DPP10: variants seen among roughly 807,000 people sequenced by gnomAD.
DPP10 encodes dipeptidyl peptidase like 10.
Under a neutral mutation model 120.9 loss-of-function variants are expected in DPP10, and 33 were observed. The ratio of observed to expected loss-of-function variants is 0.27; its 90% CI spans 0.21 to 0.37. The LOEUF (loss-of-function observed/expected upper bound fraction) is 0.37. DPP10 is among the 10% of genes least tolerant of loss of function. The pLI, the probability that DPP10 is intolerant of heterozygous loss-of-function variation, is 1.00. For missense variants in DPP10, 816 were observed against 942.8 expected, an observed-to-expected ratio of 0.87 and a Z score of 1.76; for synonymous variants, 337 against 326.1, an observed-to-expected ratio of 1.03 and a Z score of -0.36.
intron 1 of DPP10, among the ~76,000 whole-genome samples, chr2:114,483,168 A>G (rs1019355404): frequency 6.6e-6 from 1 of 152,116 alleles, no homozygotes; most frequent in African/African-American, 2.4e-5. Flanking sequence ...CAAAACCCCA[A>G]AATAATTAAC....
intron 1 of DPP10, among the ~76,000 whole-genome samples, chr2:114,818,032 T>C (rs1685779744): frequency 6.6e-6 from 1 of 151,992 alleles, no homozygotes; most frequent in Non-Finnish European, 1.5e-5. Context: ...GAAGAAACAT[T>C]CCGAACTAAG....
At chr2:115,177,709 G>A (rs2053787027) in intron 1 of DPP10, among the ~76,000 whole-genome samples, 2 of 152,144 alleles carry the variant, frequency 1.3e-5, no homozygotes, top group Admixed American at 6.5e-5. Flanking sequence ...AATGTTAGCA[G>A]ACATGTTTAT....
chr2:115,790,956 A>G, intron 17 of DPP10, 125 bp from the exon 18 acceptor site: 2 of 574,008 alleles, frequency 3.5e-6, no homozygotes, highest in Non-Finnish European at 3.0e-6. Flanking sequence ...TTCAAAAGAG[A>G]AATGATGAGT....
chr2:114,870,795 A>G (rs1056253354), intron 1 of DPP10, among the ~76,000 whole-genome samples: 1 of 135,782 alleles, frequency 7.4e-6, no homozygotes, highest in Non-Finnish European at 1.6e-5. Flanking sequence ...TTTTAGATAA[A>G]GTGCCTATTT....
chr2:115,167,574 T>G (rs1212216772), intron 1 of DPP10, among the ~76,000 whole-genome samples: 2 of 144,454 alleles, frequency 1.4e-5, no homozygotes, highest in Non-Finnish European at 3.0e-5. Flanking sequence ...GCCACTGCAC[T>G]CTAGCTTGGG....
chr2:115,225,001 T>C (rs1017920870), intron 1 of DPP10, among the ~76,000 whole-genome samples: 2 of 152,146 alleles, frequency 1.3e-5, no homozygotes, highest in African/African-American at 4.8e-5. Context: ...CCAGACTGAA[T>C]AGCAATCACT....
In DPP10 at chr2:115,094,207, G is replaced by A. The variant is rs188472782; in HGVS notation, c.61-215032G>A. 1.4e-3 allele frequency among the ~76,000 whole-genome samples: 208 copies of A among 152,168 alleles called. 2 individuals carry two copies. The highest frequency in any genetic ancestry group is 4.6e-3 in the African/African-American group (193 of 41,550). Reference sequence around the variant, plus strand: ...ACACTTTGATGTGCAAATTAAAATCGAGAACGTGTCATTTAAGTAGGCTTA... The same window carrying A: ...ACACTTTGATGTGCAAATTAAAATCAAGAACGTGTCATTTAAGTAGGCTTA... On this transcript the variant is annotated intron_variant, in intron 1 of 25. Transcript: ENST00000410059.
At chr2:114,734,484 C>T (rs192961671) in intron 1 of DPP10, among the ~76,000 whole-genome samples, 228 of 152,230 alleles carry the variant, frequency 1.5e-3, no homozygotes, top group Non-Finnish European at 2.0e-3. Flanking sequence ...TGAGAAGTCC[C>T]GCCTTTCTGA....
chr2:115,672,983 A>G (rs535764588), intron 5 of DPP10, among the ~76,000 whole-genome samples: 2 of 152,194 alleles, frequency 1.3e-5, no homozygotes, highest in East Asian at 1.9e-4. Flanking sequence ...TCCTGACCTC[A>G]GGTGATCCGC....
At chr2:115,271,488 T>G (rs1283645922) in intron 1 of DPP10, among the ~76,000 whole-genome samples, 1 of 152,206 alleles carries the variant, frequency 6.6e-6, no homozygotes, top group African/African-American at 2.4e-5. Flanking sequence ...TTGAACACTC[T>G]TTTGTTCATG....
chr2:115,222,144 A>G (rs138259037), intron 1 of DPP10, among the ~76,000 whole-genome samples: 66 of 152,254 alleles, frequency 4.3e-4, no homozygotes, highest in African/African-American at 1.5e-3. Flanking sequence ...TTACGGGGGA[A>G]GAACTCTAAT....
chr2:115,349,471 A>G (rs770386661), intron 3 of DPP10, among the ~76,000 whole-genome samples: 14 of 152,136 alleles, frequency 9.2e-5, no homozygotes, highest in Non-Finnish European at 1.8e-4. Context: ...AAGAAAAGAA[A>G]AAAACTATAA....
At chr2:114,870,489 GA>G (rs1293838370) in intron 1 of DPP10, among the ~76,000 whole-genome samples, 1 of 151,708 alleles carries the variant, frequency 6.6e-6, no homozygotes, top group Non-Finnish European at 1.5e-5. Context: ...TTTATCTGGG[GA>G]AAAAAATCAG....
chr2:115,246,434 G>A (rs771421970), intron 1 of DPP10, among the ~76,000 whole-genome samples: 7 of 152,136 alleles, frequency 4.6e-5, no homozygotes, highest in Non-Finnish European at 1.0e-4. Flanking sequence ...CTTTGGTTAA[G>A]CCTTAAAAGA....
chr2:114,515,211 C>CAT (rs1684493357), intron 1 of DPP10, among the ~76,000 whole-genome samples: 1 of 152,140 alleles, frequency 6.6e-6, no homozygotes. Flanking sequence ...TTATCATGGG[C>CAT]ATAAACATTG....
chr2:114,692,723 T>C (rs1437707795), intron 1 of DPP10, among the ~76,000 whole-genome samples: 3 of 152,048 alleles, frequency 2.0e-5, no homozygotes, highest in Non-Finnish European at 4.4e-5. Context: ...TAAGTCTCTT[T>C]TTAGGTCTCT....
At chr2:115,375,081 CTA>C (rs2065688199) in intron 3 of DPP10, among the ~76,000 whole-genome samples, 1 of 152,202 alleles carries the variant, frequency 6.6e-6, no homozygotes, top group Non-Finnish European at 1.5e-5. Context: ...TTCTTTTCTA[CTA>C]TATGGTCAGG....
At chr2:115,532,071 G>C (rs2078502583) in intron 5 of DPP10, among the ~76,000 whole-genome samples, 1 of 151,976 alleles carries the variant, frequency 6.6e-6, no homozygotes, top group Non-Finnish European at 1.5e-5. Context: ...ATGCATTATT[G>C]TATAGATTAT....
chr2:115,666,565 A>G (rs982224065), intron 5 of DPP10, among the ~76,000 whole-genome samples: 1 of 152,194 alleles, frequency 6.6e-6, no homozygotes, highest in East Asian at 1.9e-4. Context: ...AGCTATATCC[A>G]TGATGCTGCA....
Sources: gnomAD v4.1 joint callset for allele counts (sites outside exome capture counted in the v4.1 genomes callset) on GRCh38, gnomAD v4.1.1 for gene constraint, MANE v1.5 for transcripts, NCBI Gene and HGNC (gene_info 2026-07-23, HGNC 2026-07-21) for gene names.